The following CYB5R4 variants were observed in gnomAD, a reference collection of about 807,000 sequenced individuals.
CYB5R4 encodes cytochrome b5 reductase 4.
CYB5R4 carries 55 observed loss-of-function variants against 70.2 expected under a neutral mutation model. The ratio of observed to expected loss-of-function variants is 0.78; its 90% CI spans 0.63 to 0.98. The LOEUF is 0.98. Among genes scored for constraint, CYB5R4 ranks in the 50% least tolerant of loss-of-function variants. The pLI is 0.00. For missense variants in CYB5R4, 562 were observed against 612.6 expected (o/e 0.92, Z 0.87); for synonymous variants, 197 against 199.5 (o/e 0.99, Z 0.11).
rs376632980 is a variant in CYB5R4, at chr6:83,909,098, G to A, written c.412+8G>A. 2.5e-6 allele frequency: 4 copies of A among 1,612,452 alleles called. No homozygotes were observed. The African/African-American group carries it at 4.0e-5, about 16-fold the overall frequency. On this transcript the variant is annotated splice_region_variant and intron_variant, in intron 4 of 15. Coordinates refer to ENST00000369681, the MANE Select transcript of CYB5R4 (RefSeq NM_016230.4). ...AACCTGCTGTTCTGAAAGGTAAGTG[G>A]TGCTGGTGCTAAACCAGCATGGATG...
intron 2 of CYB5R4, among the ~76,000 whole-genome samples, chr6:83,885,531 T>C (rs1376759701): frequency 1.3e-5 from 2 of 152,226 alleles, no homozygotes; most frequent in African/African-American, 4.8e-5. Flanking sequence ...TATGGTTACC[T>C]AACCTGAAAA....
chr6:83,870,629 TAATA>T (rs2099457443), intron 2 of CYB5R4, among the ~76,000 whole-genome samples: 1 of 152,012 alleles, frequency 6.6e-6, no homozygotes, highest in African/African-American at 2.4e-5. Context: ...ATCTAAATAA[TAATA>T]TATTATTATT....
intron 10 of CYB5R4, among the ~76,000 whole-genome samples, chr6:83,929,992 G>C (rs376697690): frequency 6.6e-6 from 1 of 151,868 alleles, no homozygotes; most frequent in Non-Finnish European, 1.5e-5. Context: ...CAATTTTTTT[G>C]GTTTCCCAGT....
At chr6:83,932,532 G>A (rs904565843) in intron 10 of CYB5R4, among the ~76,000 whole-genome samples, 4 of 152,144 alleles carry the variant, frequency 2.6e-5, no homozygotes, top group Non-Finnish European at 5.9e-5. Flanking sequence ...TGTGCAAGAG[G>A]GTCACCTGCC....
intron 14 of CYB5R4, among the ~76,000 whole-genome samples, chr6:83,949,460 A>G (rs908165023): frequency 2.0e-5 from 3 of 152,160 alleles, no homozygotes; most frequent in Non-Finnish European, 4.4e-5. Flanking sequence ...CCCTCTCTAT[A>G]TCACTTTCAG....
intron 2 of CYB5R4, among the ~76,000 whole-genome samples, chr6:83,872,171 G>A (rs571224029): frequency 1.8e-4 from 28 of 152,220 alleles, no homozygotes; most frequent in African/African-American, 6.3e-4. Context: ...TGGTTTGGCT[G>A]TTGCCATTAT....
intron 11 of CYB5R4, among the ~76,000 whole-genome samples, chr6:83,935,017 G>C (rs2099468708): frequency 6.6e-6 from 1 of 152,144 alleles, no homozygotes; most frequent in African/African-American, 2.4e-5. Flanking sequence ...AAAGGAAAGA[G>C]ATGAGAGACT....
intron 1 of CYB5R4, among the ~76,000 whole-genome samples, chr6:83,860,678 C>CT (rs541593797): frequency 3.3e-5 from 5 of 152,300 alleles, no homozygotes; most frequent in Admixed American, 3.3e-4. Flanking sequence ...TCGGTTAACT[C>CT]TTGAGTCTTA....
In CYB5R4 at chr6:83,885,646, G is replaced by T. The variant is rs61762794; in HGVS notation, c.230-7876G>T. Among the ~76,000 whole-genome samples, 474 of 152,262 alleles carry T rather than the reference G, an allele frequency of 3.1e-3. 3 individuals carry two copies. Among genetic ancestry groups the T allele is most frequent in the African/African-American group, 0.011 (457 of 41,544 alleles). ...AACCCTATCATATAGAGCTGGGTGT[G>T]AGATTAAGTTGGAGCATGCTGTAAT... On this transcript the variant is annotated intron_variant, in intron 2 of 15. Coordinates refer to ENST00000369681, the MANE Select transcript of CYB5R4 (RefSeq NM_016230.4).
At chr6:83,916,171 A>G (rs1044726460) in intron 5 of CYB5R4, among the ~76,000 whole-genome samples, 29 of 152,090 alleles carry the variant, frequency 1.9e-4, no homozygotes, top group African/African-American at 6.5e-4. Flanking sequence ...TTGCTCACCC[A>G]TGAGATTGCA....
intron 14 of CYB5R4, among the ~76,000 whole-genome samples, chr6:83,946,789 A>C (rs1056537619): frequency 1.3e-5 from 2 of 152,200 alleles, no homozygotes; most frequent in Non-Finnish European, 2.9e-5. Flanking sequence ...AGAGAGCGAA[A>C]TCATGAGTGA....
Position 83,931,275 on chromosome 6 carries a change from G to T in CYB5R4, c.815-3320G>T, listed in dbSNP as rs183337872. 2.0e-5 allele frequency among the ~76,000 whole-genome samples: 3 copies of T among 152,298 alleles called. No homozygotes were observed. The East Asian group carries it at 5.8e-4, about 29-fold the overall frequency. On this transcript the variant is annotated intron_variant, in intron 10 of 15. Coordinates refer to ENST00000369681, the MANE Select transcript of CYB5R4 (RefSeq NM_016230.4). ...ACTCCATCCCACATCTTTTCCAGCT[G>T]CCCTGAGATGTTGGACAAGCTTTTT...
chr6:83,919,474 C>CA lies in CYB5R4; in HGVS notation c.564+21dup. 7.6e-7 allele frequency: 1 copy of CA among 1,320,106 alleles called. No homozygotes were observed. The highest frequency in any genetic ancestry group is 1.0e-6 in the Non-Finnish European group (1 of 955,574). The allele number at this position is 1,320,106 out of a possible 1,614,324, so 81.8% of individuals were successfully genotyped here. ...CAGAAGGTAAATATGTCTTTAAAAT[C>CA]AGAAAAGAAGAAAATAATAAATGTT... is the stretch of plus-strand genomic sequence containing the variant. On this transcript the variant is annotated intron_variant, in intron 7 of 15. Transcript: ENST00000369681.
At chr6:83,949,029 T>C (rs1280480219) in intron 14 of CYB5R4, among the ~76,000 whole-genome samples, 1 of 151,998 alleles carries the variant, frequency 6.6e-6, no homozygotes, top group Non-Finnish European at 1.5e-5. Context: ...CTAACCTCTT[T>C]CTGGAGACTT....
At chr6:83,959,050 A>C (rs1032809333) in intron 15 of CYB5R4, among the ~76,000 whole-genome samples, 2 of 152,148 alleles carry the variant, frequency 1.3e-5, no homozygotes, top group African/African-American at 4.8e-5. Context: ...AAAAAAATCA[A>C]ACATTTATTC....
intron 14 of CYB5R4, 119 bp downstream of exon 14, chr6:83,940,720 A>C: frequency 1.7e-6 from 2 of 1,169,228 alleles, no homozygotes; most frequent in South Asian, 3.4e-5. Context: ...AAAAAAAATA[A>C]ACCAATAATT....
chr6:83,874,467 G>T (rs1372672439), intron 2 of CYB5R4, among the ~76,000 whole-genome samples: 3 of 151,348 alleles, frequency 2.0e-5, no homozygotes, highest in Non-Finnish European at 4.4e-5. Context: ...CTCCCAAAGT[G>T]CTGGGAATGA....
At chr6:83,894,544 G>A (rs1319677533) in intron 3 of CYB5R4, among the ~76,000 whole-genome samples, 1 of 151,982 alleles carries the variant, frequency 6.6e-6, no homozygotes, top group Non-Finnish European at 1.5e-5. Flanking sequence ...AACAATACAG[G>A]GATTAGGGGT....
intron 10 of CYB5R4, among the ~76,000 whole-genome samples, chr6:83,927,321 C>CT (rs1404324650): frequency 6.6e-6 from 1 of 152,170 alleles, no homozygotes; most frequent in Non-Finnish European, 1.5e-5. Context: ...CTACAGCAAA[C>CT]TGTCTATCCT....
Sources: gnomAD v4.1 joint callset for allele counts (sites outside exome capture counted in the v4.1 genomes callset) on GRCh38, gnomAD v4.1.1 for gene constraint, MANE v1.5 for transcripts, NCBI Gene and HGNC (gene_info 2026-07-23, HGNC 2026-07-21) for gene names.